Variants in UBE3B observed in about 807,000 individuals in gnomAD.
The protein encoded by UBE3B is ubiquitin protein ligase E3B.
A neutral mutation model predicts 132.3 loss-of-function variants in UBE3B; 80 were observed. The observed-to-expected ratio is 0.60, with a 90% CI of 0.50 to 0.73. The LOEUF (loss-of-function observed/expected upper bound fraction) is 0.73, where lower values mean the gene tolerates loss of function less well. UBE3B is among the 30% of genes least tolerant of loss of function. UBE3B has a pLI of 0.00. For missense variants in UBE3B, 1,196 were observed against 1,362.5 expected (o/e 0.88, Z 1.92); for synonymous variants, 487 against 520.4 (o/e 0.94, Z 0.87).
rs75979357 is a variant in UBE3B, at chr12:109,494,643, A to G, written c.714-3175A>G. On this transcript the variant is annotated intron_variant, in intron 9 of 27. Transcript: ENST00000342494. Reference sequence around the variant, plus strand: ...AGAGGTACTTAAATGCAACAGCTACAGGTAGGCTAAAGAAAGATTCTGTTG... The same window carrying G: ...AGAGGTACTTAAATGCAACAGCTACGGGTAGGCTAAAGAAAGATTCTGTTG... Among the ~76,000 whole-genome samples, 431 of 152,354 alleles carry G rather than the reference A, an allele frequency of 2.8e-3. 4 individuals are homozygous for G. The highest frequency in any genetic ancestry group is 0.01 in the African/African-American group (419 of 41,588).
chr12:109,533,844 TG>T, intron 27 of UBE3B: 2 of 1,145,532 alleles, frequency 1.7e-6, no homozygotes, highest in Non-Finnish European at 2.4e-6. Flanking sequence ...TAGTGGCGTC[TG>T]GCCTCACCAG....
At chr12:109,510,850 C>A (rs1014517835) in intron 17 of UBE3B, among the ~76,000 whole-genome samples, 18 of 152,130 alleles carry the variant, frequency 1.2e-4, no homozygotes, top group Non-Finnish European at 1.5e-5. Flanking sequence ...GGGAAATCCT[C>A]CTATCACAAC....
At chr12:109,539,660 G>C (rs543366313), downstream of UBE3B, among the ~76,000 whole-genome samples, 220 of 152,348 alleles carry the variant, frequency 1.4e-3, 1 homozygote, top group Middle Eastern at 0.017. Context: ...TGTGATAACT[G>C]TCATTATTTT....
At position 109,535,553 on chromosome 12, in the gene UBE3B, C is replaced by T. The variant is rs770449472; in HGVS notation, c.*771C>T. 10 of 152,288 alleles carry T rather than the reference C, an allele frequency of 6.6e-5. No individual in the cohort carries two copies. Among genetic ancestry groups the T allele is most frequent in the East Asian group, 1.9e-4 (1 of 5,200 alleles). The allele number at this position is 152,288 out of a possible 1,614,324, so 9.4% of individuals were successfully genotyped here. A position where few individuals can be genotyped will look rare whatever the true frequency, so the allele number is the denominator to read the frequency against. On this transcript the variant is annotated 3_prime_UTR_variant, in exon 28 of 28. Coordinates refer to ENST00000342494, the MANE Select transcript of UBE3B (RefSeq NM_130466.4). ...AAACAACGGCCCTTAGCAGCAGCCC[C>T]GTTTCCAGAATGTGCTGCCTGTTCC...
chr12:109,489,845 C>T, intron 7 of UBE3B, 74 bp from the exon 8 acceptor site: 2 of 1,385,640 alleles, frequency 1.4e-6, no homozygotes, highest in South Asian at 2.3e-5. Flanking sequence ...ATGTGGGACA[C>T]AATTTCCTGT....
In UBE3B at chr12:109,483,846, C is replaced by T; in HGVS notation, c.162-15C>T. 1 of 1,598,694 alleles carries T rather than the reference C, an allele frequency of 6.3e-7. No individual in the cohort carries two copies. Among genetic ancestry groups the T allele is most frequent in the Non-Finnish European group, 8.5e-7 (1 of 1,172,242 alleles). On this transcript the variant is annotated splice_polypyrimidine_tract_variant and intron_variant, in intron 3 of 27. Transcript: ENST00000342494. The stretch of plus-strand genomic sequence containing the variant: ...TGTTAATTTAAAATGTCTTTTTTTG[C>T]ACTTTCTTTTCTAGGAGAGAGATTG...
In UBE3B at chr12:109,521,617, TAC is replaced by T; in HGVS notation, c.2364+70_2364+71del. 1 of 1,399,750 alleles carries T rather than the reference TAC, an allele frequency of 7.1e-7. No homozygotes were observed. Among genetic ancestry groups the T allele is most frequent in the Non-Finnish European group, 9.7e-7 (1 of 1,029,796 alleles). 86.7% of individuals were successfully genotyped at this position (1,399,750 alleles called of 1,614,324 possible). Reference sequence around the variant, plus strand: ...TAACGGTACCATGGGCTTCTTCACATACACATATGTGATCAGGCTTGGCCATG... The same window carrying T: ...TAACGGTACCATGGGCTTCTTCACATACATATGTGATCAGGCTTGGCCATG... On this transcript the variant is annotated intron_variant, in intron 21 of 27. Coordinates refer to ENST00000342494, the MANE Select transcript of UBE3B (RefSeq NM_130466.4). The surrounding 1 kb of genome is among the most constrained non-coding windows in gnomAD (Gnocchi z 4.2).
At chr12:109,518,824 C>T (rs1315709329) in intron 19 of UBE3B, among the ~76,000 whole-genome samples, 1 of 152,212 alleles carries the variant, frequency 6.6e-6, no homozygotes, top group East Asian at 1.9e-4. Context: ...CCCTTTTCCT[C>T]TTTACTTTCC....
intron 21 of UBE3B, among the ~76,000 whole-genome samples, chr12:109,523,078 A>G (rs1881898219): frequency 6.6e-6 from 1 of 152,140 alleles, no homozygotes; most frequent in African/African-American, 2.4e-5. Context: ...TGTGCTGACG[A>G]GAGAAGATGG....
intron 6 of UBE3B, among the ~76,000 whole-genome samples, chr12:109,487,524 G>A (rs759890228): frequency 6.6e-6 from 1 of 152,188 alleles, no homozygotes; most frequent in Non-Finnish European, 1.5e-5. Context: ...ATGGCTCAGC[G>A]CAGGGTTTCC....
At chr12:109,487,615 G>A (rs925931685) in intron 6 of UBE3B, among the ~76,000 whole-genome samples, 13 of 152,196 alleles carry the variant, frequency 8.5e-5, no homozygotes, top group Admixed American at 5.2e-4. Context: ...ACCTGCACGC[G>A]AGCCAGGCAG....
chr12:109,532,941 A>G (rs1416341129), intron 26 of UBE3B, among the ~76,000 whole-genome samples: 1 of 152,228 alleles, frequency 6.6e-6, no homozygotes, highest in Non-Finnish European at 1.5e-5. Flanking sequence ...TCCCCTCTGC[A>G]TGAATAAGGA....
chr12:109,517,766 T>C (rs1881239646), intron 19 of UBE3B: 2 of 226,992 alleles, frequency 8.8e-6, no homozygotes, highest in Non-Finnish European at 1.9e-5. Context: ...GCCTGTCCTG[T>C]AGTGTAGGAC....
At chr12:109,499,549 G>A (rs1027047262) in intron 11 of UBE3B, 84 bp from the exon 12 acceptor site, 19 of 1,317,936 alleles carry the variant, frequency 1.4e-5, no homozygotes, top group Admixed American at 3.3e-5. Flanking sequence ...GGATGTGGCC[G>A]CCTGAGCCAC....
intron 4 of UBE3B, among the ~76,000 whole-genome samples, chr12:109,484,866 T>C (rs1260181537): frequency 6.6e-6 from 1 of 151,814 alleles, no homozygotes; most frequent in African/African-American, 2.4e-5. Flanking sequence ...AAACGATTCT[T>C]CTGCCTCAGC....
chr12:109,534,125 C>T lies in UBE3B; in HGVS notation c.3016-466C>T, dbSNP rs1883234589. On this transcript the variant is annotated intron_variant, in intron 27 of 27. Transcript: ENST00000342494. This position sits in a 1 kb window ranked among gnomAD's most constrained non-coding sequence, Gnocchi z 5.2. Reference sequence around the variant, plus strand: ...CTGGGTGTAGCTGCCTCTCATGATGCAGTTTGAGCCCGTGATGCCACCTTG... The same window carrying T: ...CTGGGTGTAGCTGCCTCTCATGATGTAGTTTGAGCCCGTGATGCCACCTTG... 1 of 1,293,686 alleles carries T rather than the reference C, an allele frequency of 7.7e-7. No individual in the cohort carries two copies. The highest frequency in any genetic ancestry group is 1.5e-5 in the African/African-American group (1 of 66,104). The allele number at this position is 1,293,686 out of a possible 1,614,324, so 80.1% of individuals were successfully genotyped here.
At chr12:109,478,412 T>A (rs941394413) in intron 1 of UBE3B, among the ~76,000 whole-genome samples, 2 of 152,228 alleles carry the variant, frequency 1.3e-5, no homozygotes, top group Non-Finnish European at 2.9e-5. Flanking sequence ...TTAGATAGGC[T>A]GTAGCTTTCA....
chr12:109,542,676 C>T, the UBE3B span, among the ~76,000 whole-genome samples: 1 of 152,260 alleles, frequency 6.6e-6, no homozygotes, highest in East Asian at 1.9e-4. Context: ...GGCAGAGACT[C>T]AAGTGGGGAA....
downstream of UBE3B, among the ~76,000 whole-genome samples, chr12:109,538,035 A>G (rs1883518489): frequency 6.6e-6 from 1 of 152,248 alleles, no homozygotes; most frequent in African/African-American, 2.4e-5. This position sits in a 1 kb window ranked among gnomAD's most constrained non-coding sequence, Gnocchi z 4.1. Flanking sequence ...TTATCACTAC[A>G]AAGAGAAAGG....
Sources: allele counts gnomAD v4.1 joint callset (sites outside exome capture counted in the v4.1 genomes callset), GRCh38; gene constraint gnomAD v4.1.1; non-coding constraint Gnocchi (gnomAD v3.1); transcripts MANE v1.5; gene names NCBI Gene and HGNC (gene_info 2026-07-23, HGNC 2026-07-21).